Variants in ANXA4 observed in about 807,000 individuals in gnomAD.
The protein encoded by ANXA4 is annexin A4, also known as 35-beta calcimedin.
A neutral mutation model predicts 49.8 loss-of-function variants in ANXA4; 39 were observed. The ratio of observed to expected loss-of-function variants is 0.78; its 90% confidence interval spans 0.61 to 1.02. The LOEUF is 1.02. Ranked by LOEUF, ANXA4 falls within the 50% of genes least tolerant of loss-of-function variation. The probability of loss-of-function intolerance (pLI) is 0.00; values close to 1 mark genes in which losing one functional copy is unlikely to be tolerated. For synonymous variants in ANXA4, 134 were observed against 152.5 expected, an observed-to-expected ratio of 0.88 and a Z score of 0.89; for missense variants, 360 against 410.1, an observed-to-expected ratio of 0.88 and a Z score of 1.05.
chr2:69,809,334 C>T, intron 6 of ANXA4: 1 of 152,188 alleles, frequency 6.6e-6, no homozygotes, highest in Non-Finnish European at 1.5e-5. Flanking sequence ...CCTTAGGAGT[C>T]TGGATTTAGC....
intron 2 of ANXA4, among the ~76,000 whole-genome samples, chr2:69,694,880 C>A (rs866722027): frequency 4.3e-4 from 66 of 152,220 alleles, no homozygotes; most frequent in African/African-American, 1.4e-3. Flanking sequence ...CCTGCCTTGG[C>A]CTCCCAAAGT....
intron 2 of ANXA4, among the ~76,000 whole-genome samples, chr2:69,661,183 A>G (rs1002326857): frequency 6.6e-6 from 1 of 151,740 alleles, no homozygotes; most frequent in Admixed American, 6.6e-5. Flanking sequence ...CCAGTTAAGC[A>G]TACTTGAAGC....
chr2:69,725,757 G>A (rs1297547705), intron 3 of ANXA4, among the ~76,000 whole-genome samples: 1 of 152,152 alleles, frequency 6.6e-6, no homozygotes, highest in African/African-American at 2.4e-5. Flanking sequence ...ATCACTCACA[G>A]CCTCTGTTTT....
chr2:69,739,551 G>A (rs564020996), upstream of ANXA4, among the ~76,000 whole-genome samples: 7 of 151,780 alleles, frequency 4.6e-5, no homozygotes, highest in East Asian at 1.9e-4. Context: ...GACTAGAGGC[G>A]TGCGTCACTA....
chr2:69,710,110 C>T (rs530891192), intron 2 of ANXA4, among the ~76,000 whole-genome samples: 1 of 151,818 alleles, frequency 6.6e-6, no homozygotes, highest in South Asian at 2.1e-4. Flanking sequence ...GCCTCAGCCT[C>T]CCGAGTAGCT....
At chr2:69,782,234 G>A (rs1280438390) in intron 2 of ANXA4, among the ~76,000 whole-genome samples, 2 of 152,170 alleles carry the variant, frequency 1.3e-5, no homozygotes, top group Non-Finnish European at 2.9e-5. Context: ...TCTTCTGGAG[G>A]AAGCAATAAT....
chr2:69,681,878 C>T (rs1677612193), intron 2 of ANXA4, among the ~76,000 whole-genome samples: 1 of 151,712 alleles, frequency 6.6e-6, no homozygotes, highest in Admixed American at 6.6e-5. Context: ...GCTCTGTTGC[C>T]CAGGCTGGAG....
chr2:69,750,567 C>T (rs964986278), intron 1 of ANXA4, among the ~76,000 whole-genome samples: 1 of 152,172 alleles, frequency 6.6e-6, no homozygotes, highest in Non-Finnish European at 1.5e-5. Context: ...CACGCGCTGC[C>T]ACACCCAGCT....
At position 69,755,577 on chromosome 2, in the gene ANXA4, C is replaced by T. The variant is rs191862231; in HGVS notation, c.-47+13402C>T. ...AGTGAGCTGAGATCACACCACTGCA[C>T]TCCAGCCTGGGCAACATGGTGAGAC... is the stretch of plus-strand genomic sequence containing the variant. On this transcript the variant is annotated intron_variant, in intron 1 of 12. Transcript: ENST00000394295. Among the ~76,000 whole-genome samples the T allele has an allele frequency of 3.2e-3, 481 of 152,246 alleles. 5 individuals carry two copies. The highest frequency in any genetic ancestry group is 8.9e-3 in the East Asian group (46 of 5,184).
In ANXA4 at chr2:69,800,689, G is replaced by A. The variant is rs575684391; in HGVS notation, c.98-3844G>A. ...ATTGAGTTTCTGTAAACAGAATTAA[G>A]GGACAAGGTGTTTCAGGTGAATGGA... On this transcript the variant is annotated intron_variant, in intron 3 of 12. Transcript: ENST00000394295. Among the ~76,000 whole-genome samples, 10 of 152,294 alleles carry A rather than the reference G, an allele frequency of 6.6e-5. No homozygotes were observed. In the South Asian group the frequency reaches 2.1e-3, roughly 32 times the overall value.
At chr2:69,759,747 C>G (rs1179715132) in intron 1 of ANXA4, among the ~76,000 whole-genome samples, 1 of 152,020 alleles carries the variant, frequency 6.6e-6, no homozygotes, top group Non-Finnish European at 1.5e-5. Flanking sequence ...AAAACAAAAC[C>G]AAAAAATAAT....
At chr2:69,791,756 C>A (rs1344019383) in intron 3 of ANXA4, among the ~76,000 whole-genome samples, 1 of 152,054 alleles carries the variant, frequency 6.6e-6, no homozygotes, top group Non-Finnish European at 1.5e-5. Flanking sequence ...TGTTAAAGTC[C>A]CATGGCTTGA....
chr2:69,773,145 TAA>T (rs1378922746), intron 1 of ANXA4, among the ~76,000 whole-genome samples: 2 of 152,240 alleles, frequency 1.3e-5, no homozygotes, highest in Non-Finnish European at 2.9e-5. Flanking sequence ...ATAAATTGAA[TAA>T]AAGTACCCAG....
chr2:69,720,126 G>T (rs1669779811), intron 2 of ANXA4, among the ~76,000 whole-genome samples: 1 of 152,178 alleles, frequency 6.6e-6, no homozygotes, highest in Non-Finnish European at 1.5e-5. Flanking sequence ...TATTTCCTGA[G>T]AATGTAATTC....
At chr2:69,731,365 A>G (rs1336285375) in intron 3 of ANXA4, among the ~76,000 whole-genome samples, 1 of 152,214 alleles carries the variant, frequency 6.6e-6, no homozygotes, top group Admixed American at 6.5e-5. Context: ...CCACAAACTT[A>G]GCTCAAGCTG....
intron 2 of ANXA4, among the ~76,000 whole-genome samples, chr2:69,670,425 C>T (rs576268092): frequency 1.1e-4 from 14 of 126,908 alleles, no homozygotes; most frequent in African/African-American, 1.9e-4. Flanking sequence ...GGCGACAGAG[C>T]GAGACTCAAT....
intron 2 of ANXA4, among the ~76,000 whole-genome samples, chr2:69,703,379 C>A (rs1234449664): frequency 6.6e-6 from 1 of 151,828 alleles, no homozygotes. Context: ...TTTTCATCAC[C>A]CCCAAAAGAA....
chr2:69,742,500 A>C (rs986651956), intron 1 of ANXA4, among the ~76,000 whole-genome samples: 3 of 152,224 alleles, frequency 2.0e-5, no homozygotes, highest in Non-Finnish European at 2.9e-5. Flanking sequence ...CTTTGCATCA[A>C]AAAGAAAGGA....
At chr2:69,710,361 A>G (rs1678638962) in intron 2 of ANXA4, among the ~76,000 whole-genome samples, 1 of 152,194 alleles carries the variant, frequency 6.6e-6, no homozygotes, top group Non-Finnish European at 1.5e-5. Context: ...TTAAAAGTAG[A>G]TTTCCATGTC....
Sources: allele counts gnomAD v4.1 joint callset (sites outside exome capture counted in the v4.1 genomes callset), GRCh38; gene constraint gnomAD v4.1.1; transcripts MANE v1.5; gene names NCBI Gene and HGNC (gene_info 2026-07-23, HGNC 2026-07-21).